The following BMP2K variants were observed in gnomAD, a reference collection of about 807,000 sequenced individuals.
The protein encoded by BMP2K is BMP-2-inducible protein kinase.
BMP2K carries 74 observed loss-of-function variants against 116.0 expected under a neutral mutation model. The observed-to-expected ratio is 0.64, with a 90% CI of 0.53 to 0.77. BMP2K has a LOEUF of 0.77. BMP2K is among the 30% of genes least tolerant of loss of function. BMP2K has a pLI of 0.00. For synonymous variants in BMP2K, 486 were observed against 502.5 expected (o/e 0.97, Z 0.44); for missense variants, 1,365 against 1,403.6 (o/e 0.97, Z 0.44).
chr4:78,896,137 T>G (rs1048520672), intron 15 of BMP2K, among the ~76,000 whole-genome samples: 1 of 152,104 alleles, frequency 6.6e-6, no homozygotes, highest in East Asian at 1.9e-4. Flanking sequence ...ATAACCTAAC[T>G]TTTTTGCAGC....
chr4:78,798,003 T>TG (rs549712970), intron 1 of BMP2K, among the ~76,000 whole-genome samples: 15 of 152,054 alleles, frequency 9.9e-5, no homozygotes, highest in Admixed American at 2.6e-4. Context: ...TTTGTAGCAA[T>TG]GGGGGGTCTC....
chr4:78,891,414 GC>G (rs1252300909), intron 15 of BMP2K, among the ~76,000 whole-genome samples: 1 of 152,040 alleles, frequency 6.6e-6, no homozygotes, highest in African/African-American at 2.4e-5. Context: ...TACTTATTTA[GC>G]CTGGAAACTT....
Position 78,859,607 on chromosome 4 carries a change from G to T in BMP2K, c.907G>T (p.Glu303Ter). Residue 303 changes from glutamate to a stop codon, truncating the protein, a stop_gained, in exon 8 of 16, where the codon GAA (glutamate) becomes TAA (stop). Coordinates refer to ENST00000502613, the MANE Select transcript of BMP2K (RefSeq NM_198892.2). LOFTEE classifies it high-confidence loss of function. ...LIRFMLEPDP[E>*]HRPDIFQVSY... ...AGGGTTCATGCTTGAACCAGATCCG[G>T]AACATAGACCTGATATATTTCAAGT... 1 of 1,609,586 alleles carries T rather than the reference G, an allele frequency of 6.2e-7. No individual in the cohort carries two copies. The highest frequency in any genetic ancestry group is 1.3e-5 in the African/African-American group (1 of 74,768).
At chr4:78,890,286 A>C (rs1357698609) in intron 15 of BMP2K, among the ~76,000 whole-genome samples, 1 of 151,892 alleles carries the variant, frequency 6.6e-6, no homozygotes, top group South Asian at 2.1e-4. Context: ...TAATTATGCT[A>C]TTTCTTACCT....
In BMP2K at chr4:78,911,796, T is replaced by C. The variant is rs768276768; in HGVS notation, c.3249T>C (p.Pro1083=). The C allele has an allele frequency of 6.2e-7, 1 of 1,613,902 alleles. No homozygotes were observed. The highest frequency in any genetic ancestry group is 1.1e-5 in the South Asian group (1 of 91,076). Residue 1083 remains proline, a synonymous_variant, in exon 16 of 16, where the codon CCT becomes CCC. Transcript: ENST00000502613. The stretch of plus-strand genomic sequence containing the variant: ...ATTCTCCAGACCTGTCATGGCACCC[T>C]CCACATCAGGGCCTGAGCGACATCC... The part of the protein sequence containing the change: ...PFHSPDLSWH[P]PHQGLSDIRA...
intron 9 of BMP2K, among the ~76,000 whole-genome samples, chr4:78,861,834 A>G (rs1731810431): frequency 6.6e-6 from 1 of 151,980 alleles, no homozygotes; most frequent in African/African-American, 2.4e-5. Context: ...AAAGAAAAAA[A>G]TAGCTCCTAC....
chr4:78,913,053 C>G lies in BMP2K; in HGVS notation c.*1020C>G, dbSNP rs78400127. The G allele has an allele frequency of 3.3e-3, 502 of 152,272 alleles. 6 individuals are homozygous for G. The highest frequency in any genetic ancestry group is 0.011 in the African/African-American group (465 of 41,552). 9.4% of individuals were successfully genotyped at this position (152,272 alleles called of 1,614,324 possible). On this transcript the variant is annotated 3_prime_UTR_variant, in exon 16 of 16. Transcript: ENST00000502613. The stretch of plus-strand genomic sequence containing the variant: ...TTTCAAGACATTTACAATGTGAAAT[C>G]ATGTTGCATTTAACAATGTACTTTA...
chr4:78,790,896 T>A (rs1318369009), intron 1 of BMP2K, among the ~76,000 whole-genome samples: 2 of 152,046 alleles, frequency 1.3e-5, no homozygotes, highest in Non-Finnish European at 2.9e-5. Context: ...TAATAAATTT[T>A]TAAAAATGTA....
intron 1 of BMP2K, among the ~76,000 whole-genome samples, chr4:78,786,874 T>C (rs1295817300): frequency 6.6e-6 from 1 of 152,196 alleles, no homozygotes; most frequent in Non-Finnish European, 1.5e-5. Context: ...AAAATTTAAT[T>C]CTTTTAAGGC....
chr4:78,881,641 A>G (rs1463938872), intron 14 of BMP2K, among the ~76,000 whole-genome samples: 1 of 152,110 alleles, frequency 6.6e-6, no homozygotes, highest in Non-Finnish European at 1.5e-5. Context: ...TATTTGATCT[A>G]TTTGATGAGT....
intron 14 of BMP2K, among the ~76,000 whole-genome samples, chr4:78,880,428 A>T (rs1732840312): frequency 6.6e-6 from 1 of 152,242 alleles, no homozygotes; most frequent in Non-Finnish European, 1.5e-5. Context: ...TATAATTTAT[A>T]GGATTATATT....
rs771661777 is a variant in BMP2K, at chr4:78,912,368, T to C, written c.*335T>C. On this transcript the variant is annotated 3_prime_UTR_variant, in exon 16 of 16. Transcript: ENST00000502613. ...CACTGAGAAGGGACAGTGAAACTGT[T>C]ATTTTTGATATCAGAATGTCATTTT... 9.9e-5 allele frequency: 21 copies of C among 211,734 alleles called. No individual in the cohort carries two copies. Among genetic ancestry groups the C allele is most frequent in the Middle Eastern group, 1.6e-3 (1 of 622 alleles). The allele number at this position is 211,734 out of a possible 1,614,324, so 13.1% of individuals were successfully genotyped here. A position where few individuals can be genotyped will look rare whatever the true frequency, so the allele number is the denominator to read the frequency against.
intron 9 of BMP2K, among the ~76,000 whole-genome samples, chr4:78,862,023 C>T (rs1731822316): frequency 6.6e-6 from 1 of 151,506 alleles, no homozygotes; most frequent in African/African-American, 2.4e-5. Context: ...ATTGATTTTT[C>T]CCCCCCTCAC....
intron 5 of BMP2K, 89 bp downstream of exon 5, chr4:78,845,138 A>T (rs1399620883): frequency 9.0e-7 from 1 of 1,117,120 alleles, no homozygotes; most frequent in Non-Finnish European, 1.3e-6. Context: ...AATTTTAGGT[A>T]TTTCATTTAT....
chr4:78,890,568 T>G (rs1001568837), intron 15 of BMP2K, among the ~76,000 whole-genome samples: 1 of 152,206 alleles, frequency 6.6e-6, no homozygotes, highest in Non-Finnish European at 1.5e-5. Context: ...CCTGTCTTTG[T>G]TTTTCCTGGA....
At chr4:78,891,271 CT>C (rs1733421323) in intron 15 of BMP2K, among the ~76,000 whole-genome samples, 1 of 152,100 alleles carries the variant, frequency 6.6e-6, no homozygotes, top group African/African-American at 2.4e-5. Flanking sequence ...TCTTCTTCCT[CT>C]TTTTCTTATT....
intron 1 of BMP2K, among the ~76,000 whole-genome samples, chr4:78,784,777 A>G (rs1224744131): frequency 6.6e-6 from 1 of 152,224 alleles, no homozygotes; most frequent in Non-Finnish European, 1.5e-5. Flanking sequence ...TATCGGGGAA[A>G]AATACCAGCT....
chr4:78,826,866 A>T (rs1388970091), intron 2 of BMP2K, among the ~76,000 whole-genome samples: 1 of 152,106 alleles, frequency 6.6e-6, no homozygotes, highest in Non-Finnish European at 1.5e-5. Context: ...CTTGTTCATC[A>T]TCCAGCTTAA....
At chr4:78,894,839 G>A (rs1340953611) in intron 15 of BMP2K, among the ~76,000 whole-genome samples, 1 of 152,122 alleles carries the variant, frequency 6.6e-6, no homozygotes, top group Non-Finnish European at 1.5e-5. Context: ...GATGCATCTC[G>A]TCCTTTCACC....
Sources: gnomAD v4.1 joint callset for allele counts (sites outside exome capture counted in the v4.1 genomes callset) on GRCh38, gnomAD v4.1.1 for gene constraint, MANE v1.5 for transcripts, NCBI Gene and HGNC (gene_info 2026-07-23, HGNC 2026-07-21) for gene names.